HS3ST4: variants seen among roughly 807,000 people sequenced by gnomAD.
The protein encoded by HS3ST4 is heparan sulfate glucosamine 3-O-sulfotransferase 4.
HS3ST4 carries 17 observed loss-of-function variants against 29.2 expected under a neutral mutation model. That is an observed-to-expected ratio of 0.58 (90% CI 0.40 to 0.87). The LOEUF (loss-of-function observed/expected upper bound fraction) is 0.87, where lower values mean the gene tolerates loss of function less well. HS3ST4 is among the 40% of genes least tolerant of loss of function. HS3ST4 has a pLI of 0.00. For missense variants in HS3ST4, 627 were observed against 634.5 expected (o/e 0.99, Z 0.13); for synonymous variants, 314 against 285.7 (o/e 1.10, Z -1.00).
intron 1 of HS3ST4, among the ~76,000 whole-genome samples, chr16:25,883,038 G>A (rs1257132401): frequency 2.6e-5 from 4 of 151,786 alleles, no homozygotes; most frequent in African/African-American, 7.3e-5. Flanking sequence ...CCTCCTCTCT[G>A]TATTTTTATT....
chr16:26,033,752 G>A (rs186562947), intron 1 of HS3ST4, among the ~76,000 whole-genome samples: 14 of 152,050 alleles, frequency 9.2e-5, no homozygotes, highest in Admixed American at 7.9e-4. Context: ...AGAAAGAAGG[G>A]AAGGAAGGAA....
At chr16:25,802,314 C>G (rs1966947153) in intron 1 of HS3ST4, among the ~76,000 whole-genome samples, 1 of 152,054 alleles carries the variant, frequency 6.6e-6, no homozygotes, top group Admixed American at 6.6e-5. Context: ...AACCTTTTAT[C>G]TAAATTTGTT....
chr16:25,994,533 T>C (rs754301315), intron 1 of HS3ST4, among the ~76,000 whole-genome samples: 2 of 152,202 alleles, frequency 1.3e-5, no homozygotes, highest in Non-Finnish European at 2.9e-5. Context: ...TTGATATTGG[T>C]AAATGCAATT....
chr16:25,757,591 T>C (rs1343891021), intron 1 of HS3ST4, among the ~76,000 whole-genome samples: 1 of 148,724 alleles, frequency 6.7e-6, no homozygotes, highest in Non-Finnish European at 1.5e-5. Context: ...ATATATTATA[T>C]AATATATATA....
intron 1 of HS3ST4, among the ~76,000 whole-genome samples, chr16:25,816,443 C>T (rs1346518720): frequency 1.3e-5 from 2 of 152,184 alleles, no homozygotes; most frequent in Non-Finnish European, 2.9e-5. Flanking sequence ...CCACATCATT[C>T]CAACTGATGT....
intron 1 of HS3ST4, among the ~76,000 whole-genome samples, chr16:25,899,421 C>T (rs940501153): frequency 1.3e-5 from 2 of 152,232 alleles, no homozygotes; most frequent in African/African-American, 4.8e-5. Flanking sequence ...CCAGCTTTCC[C>T]TGAACCTACA....
intron 1 of HS3ST4, among the ~76,000 whole-genome samples, chr16:25,809,414 G>C (rs749531475): frequency 9.9e-5 from 15 of 152,178 alleles, no homozygotes; most frequent in East Asian, 1.9e-4. Flanking sequence ...TACATTGTTG[G>C]ACTTGCTAAC....
intron 1 of HS3ST4, among the ~76,000 whole-genome samples, chr16:25,786,237 A>G (rs1596570250): frequency 6.6e-6 from 1 of 152,046 alleles, no homozygotes; most frequent in Non-Finnish European, 1.5e-5. Flanking sequence ...AACCCTCCCA[A>G]CTTTATAGGC....
chr16:26,123,011 G>A (rs530915611), intron 1 of HS3ST4, among the ~76,000 whole-genome samples: 4 of 150,892 alleles, frequency 2.7e-5, no homozygotes, highest in East Asian at 2.0e-4. Context: ...CTGAGATCGC[G>A]CCACTGCACC....
chr16:25,910,305 A>T (rs193108335), intron 1 of HS3ST4, among the ~76,000 whole-genome samples: 2 of 152,302 alleles, frequency 1.3e-5, no homozygotes, highest in Admixed American at 1.3e-4. Context: ...CTCAACTCCG[A>T]TGTTACATCA....
chr16:25,883,274 CA>C (rs1280454243), intron 1 of HS3ST4, among the ~76,000 whole-genome samples: 1 of 151,330 alleles, frequency 6.6e-6, no homozygotes, highest in Middle Eastern at 3.2e-3. Context: ...TCTTGAAACT[CA>C]AAAAGCCTTT....
chr16:26,060,445 A>G (rs1898461664), intron 1 of HS3ST4, among the ~76,000 whole-genome samples: 1 of 152,124 alleles, frequency 6.6e-6, no homozygotes, highest in African/African-American at 2.4e-5. Flanking sequence ...GCTGAAGTAC[A>G]CTGCTGTCTG....
At chr16:25,973,171 C>T (rs1001588221) in intron 1 of HS3ST4, among the ~76,000 whole-genome samples, 1 of 152,150 alleles carries the variant, frequency 6.6e-6, no homozygotes, top group African/African-American at 2.4e-5. Context: ...CTCTAAGGTC[C>T]TGGATGTGCA....
At chr16:26,004,360 A>G (rs995322895) in intron 1 of HS3ST4, among the ~76,000 whole-genome samples, 6 of 152,170 alleles carry the variant, frequency 3.9e-5, no homozygotes, top group Non-Finnish European at 5.9e-5. Context: ...TGATAAATGA[A>G]CCTATTTTTA....
At chr16:25,983,299 C>CT (rs1969027537) in intron 1 of HS3ST4, among the ~76,000 whole-genome samples, 1 of 152,128 alleles carries the variant, frequency 6.6e-6, no homozygotes. Flanking sequence ...AGAAGAGCCC[C>CT]CCTTGCTGAA....
At chr16:26,056,952 T>C (rs569016386) in intron 1 of HS3ST4, among the ~76,000 whole-genome samples, 1 of 152,310 alleles carries the variant, frequency 6.6e-6, no homozygotes, top group East Asian at 1.9e-4. Flanking sequence ...TCATATTTAA[T>C]CTTCACTGTG....
intron 1 of HS3ST4, among the ~76,000 whole-genome samples, chr16:25,910,119 G>A (rs1228912162): frequency 6.6e-6 from 1 of 152,186 alleles, no homozygotes; most frequent in Non-Finnish European, 1.5e-5. Context: ...ACACTTGATT[G>A]TCTCATCTGT....
At chr16:25,780,041 A>G (rs1056537458) in intron 1 of HS3ST4, among the ~76,000 whole-genome samples, 1 of 152,210 alleles carries the variant, frequency 6.6e-6, no homozygotes, top group Non-Finnish European at 1.5e-5. Flanking sequence ...AAGCGGGCGC[A>G]CAAGTGTGAA....
At chr16:25,843,268 A>C (rs1159635064) in intron 1 of HS3ST4, among the ~76,000 whole-genome samples, 1 of 152,274 alleles carries the variant, frequency 6.6e-6, no homozygotes, top group South Asian at 2.1e-4. Flanking sequence ...AGACGATGCT[A>C]TCAACTGGGA....
Sources: allele counts gnomAD v4.1 joint callset (sites outside exome capture counted in the v4.1 genomes callset), GRCh38; gene constraint gnomAD v4.1.1; transcripts MANE v1.5; gene names NCBI Gene and HGNC (gene_info 2026-07-23, HGNC 2026-07-21).